The following TNIP3 variants were observed in gnomAD, a reference collection of about 807,000 sequenced individuals.
TNIP3 encodes the protein TNFAIP3 interacting protein 3.
Under a neutral mutation model 54.1 loss-of-function variants are expected in TNIP3, and 34 were observed. The ratio of observed to expected loss-of-function variants is 0.63; its 90% CI spans 0.48 to 0.84. The LOEUF (loss-of-function observed/expected upper bound fraction) is 0.84. TNIP3 is among the 40% of genes least tolerant of loss of function. The probability of loss-of-function intolerance (pLI) is 0.00; values close to 1 mark genes in which losing one functional copy is unlikely to be tolerated. For synonymous variants in TNIP3, 134 were observed against 136.8 expected, an observed-to-expected ratio of 0.98 and a Z score of 0.14; for missense variants, 366 against 387.6, an observed-to-expected ratio of 0.94 and a Z score of 0.47.
chr4:121,178,964 A>G (rs1049516578), intron 3 of TNIP3, among the ~76,000 whole-genome samples: 2 of 152,250 alleles, frequency 1.3e-5, no homozygotes, highest in East Asian at 3.8e-4. Flanking sequence ...TGACATATAA[A>G]GAAGATAAAG....
intron 3 of TNIP3, among the ~76,000 whole-genome samples, chr4:121,179,537 TCTA>T (rs1724558286): frequency 6.6e-6 from 1 of 152,238 alleles, no homozygotes; most frequent in Non-Finnish European, 1.5e-5. Context: ...TGCAAAGAGA[TCTA>T]CTTTTAAGTT....
In TNIP3 at chr4:121,154,618, T is replaced by A. The variant is rs756778071; in HGVS notation, c.425A>T (p.Lys142Met). The change falls in exon 5 of 11, where the codon AAG (lysine) becomes ATG (methionine). Residue 142 changes from lysine to methionine, a missense_variant. Lys to Met is a moderately conservative substitution (Grantham distance 95). Transcript: ENST00000057513. ...CTTGTTCGCAAGAGTATTTTTTCCC[T>A]TTAAAAGTTTATTCTCTTCTTTCAA... is the stretch of plus-strand genomic sequence containing the variant. ...HELKEENKLL[K>M]GKNTLANKEK... The A allele has an allele frequency of 2.1e-5, 34 of 1,613,468 alleles. 1 individual carries two copies. In the South Asian group the frequency reaches 3.5e-4, roughly 17 times the overall value.
chr4:121,179,356 T>A (rs1328909924), intron 3 of TNIP3, among the ~76,000 whole-genome samples: 1 of 152,346 alleles, frequency 6.6e-6, no homozygotes, highest in East Asian at 1.9e-4. Flanking sequence ...TAAAAGACAG[T>A]CATATTTAAG....
At chr4:121,156,783 C>G (rs1027443600) in intron 4 of TNIP3, among the ~76,000 whole-genome samples, 2 of 152,080 alleles carry the variant, frequency 1.3e-5, no homozygotes, top group Admixed American at 1.3e-4. Flanking sequence ...TTCTCCTAGG[C>G]TGAAATGCCC....
At chr4:121,200,611 A>C (rs1560688762) in intron 2 of TNIP3, among the ~76,000 whole-genome samples, 1 of 149,500 alleles carries the variant, frequency 6.7e-6, no homozygotes, top group South Asian at 2.1e-4. Context: ...TTCCTATGAT[A>C]GAACAATCTA....
At chr4:121,150,337 G>T in intron 5 of TNIP3, 118 bp from the exon 6 acceptor site, 4 of 539,836 alleles carry the variant, frequency 7.4e-6, no homozygotes, top group East Asian at 3.2e-5. Flanking sequence ...GTTTAACGCT[G>T]CTTACATAAC....
At chr4:121,185,034 G>C (rs2148828897) in intron 2 of TNIP3, among the ~76,000 whole-genome samples, 1 of 152,292 alleles carries the variant, frequency 6.6e-6, no homozygotes, top group Admixed American at 6.5e-5. Flanking sequence ...AGACTTGCCT[G>C]CCAAGATGTC....
Position 121,170,196 on chromosome 4 carries a change from T to C in TNIP3, c.190-6050A>G, listed in dbSNP as rs566648420. Among the ~76,000 whole-genome samples the C allele has an allele frequency of 5.9e-5, 9 of 152,338 alleles. No individual in the cohort carries two copies. The South Asian group carries it at 1.9e-3, about 32-fold the overall frequency. Reference sequence around the variant, plus strand: ...CAGTTGTTAATTCGATGTACCTTTCTCCTCTGAGATGCTATAAGCTTCTTG... The same window carrying C: ...CAGTTGTTAATTCGATGTACCTTTCCCCTCTGAGATGCTATAAGCTTCTTG... On this transcript the variant is annotated intron_variant, in intron 3 of 12. Coordinates refer to the TNIP3 transcript ENST00000507879.
At chr4:121,155,332 T>C (rs1391837210) in intron 4 of TNIP3, among the ~76,000 whole-genome samples, 1 of 152,068 alleles carries the variant, frequency 6.6e-6, no homozygotes, top group Admixed American at 6.6e-5. Flanking sequence ...TTAAGAAAAA[T>C]AGCTGAAAGT....
chr4:121,190,663 T>G (rs1302236878), intron 2 of TNIP3, among the ~76,000 whole-genome samples: 1 of 152,218 alleles, frequency 6.6e-6, no homozygotes, highest in Non-Finnish European at 1.5e-5. Context: ...GGAGGTATAC[T>G]GGAGTTCAGA....
At chr4:121,157,434 C>A (rs1410477432) in intron 3 of TNIP3, among the ~76,000 whole-genome samples, 191 bp from the exon 4 acceptor site, 1 of 152,100 alleles carries the variant, frequency 6.6e-6, no homozygotes, top group African/African-American at 2.4e-5. Flanking sequence ...GGCCTTGCAC[C>A]AAAACAGCCT....
chr4:121,154,783 C>CA, intron 4 of TNIP3, 104 bp from the exon 5 acceptor site: 1 of 1,086,680 alleles, frequency 9.2e-7, no homozygotes. Flanking sequence ...ATTGAGGGGT[C>CA]ACCCTTCTGA....
chr4:121,192,468 A>G (rs1406780960), intron 2 of TNIP3, among the ~76,000 whole-genome samples: 1 of 152,194 alleles, frequency 6.6e-6, no homozygotes, highest in East Asian at 1.9e-4. Flanking sequence ...GCTACAAAAT[A>G]TGCTGAAACA....
intron 10 of TNIP3, among the ~76,000 whole-genome samples, chr4:121,138,203 T>C (rs1728903961): frequency 6.6e-6 from 1 of 152,170 alleles, no homozygotes; most frequent in Non-Finnish European, 1.5e-5. Context: ...GGGAACACAG[T>C]TCCGAGCCTT....
At chr4:121,227,253 T>C (rs1727295867) in intron 1 of TNIP3, 1 of 693,200 alleles carries the variant, frequency 1.4e-6, no homozygotes, top group African/African-American at 1.8e-5. Context: ...TTAATATTAC[T>C]GAGTTCCTGA....
chr4:121,217,945 G>A (rs1726869517), upstream of TNIP3, among the ~76,000 whole-genome samples: 1 of 152,112 alleles, frequency 6.6e-6, no homozygotes, highest in Non-Finnish European at 1.5e-5. Context: ...TCATTTTACA[G>A]TAGAGGAAAC....
At chr4:121,154,436 C>T (rs1200257657) in intron 5 of TNIP3, 115 bp downstream of exon 5, 3 of 1,291,440 alleles carry the variant, frequency 2.3e-6, no homozygotes, top group African/African-American at 1.5e-5. Context: ...ATTTCTTGTG[C>T]AAGCCTCCAA....
intron 7 of TNIP3, among the ~76,000 whole-genome samples, chr4:121,146,055 AC>A (rs1729414302): frequency 6.6e-6 from 1 of 151,574 alleles, no homozygotes; most frequent in African/African-American, 2.4e-5. Context: ...ACATTGTCTT[AC>A]CTATTATTGT....
chr4:121,187,525 C>G (rs909909651), intron 2 of TNIP3, among the ~76,000 whole-genome samples: 1 of 152,170 alleles, frequency 6.6e-6, no homozygotes, highest in Non-Finnish European at 1.5e-5. Flanking sequence ...TCTTAGTGAC[C>G]TCAGCCATTG....
Sources: gnomAD v4.1 joint callset for allele counts (sites outside exome capture counted in the v4.1 genomes callset) on GRCh38, gnomAD v4.1.1 for gene constraint, MANE v1.5 for transcripts, NCBI Gene and HGNC (gene_info 2026-07-23, HGNC 2026-07-21) for gene names.